SMAD2: variants seen among roughly 807,000 people sequenced by gnomAD.
The protein encoded by SMAD2 is MAD homolog 2.
A neutral mutation model predicts 64.4 loss-of-function variants in SMAD2; 8 were observed. The ratio of observed to expected loss-of-function variants is 0.12; its 90% CI spans 0.07 to 0.22. The LOEUF (loss-of-function observed/expected upper bound fraction) is 0.22, where lower values mean the gene tolerates loss of function less well. Among genes scored for constraint, SMAD2 ranks in the 10% least tolerant of loss-of-function variants. The pLI is 1.00. For synonymous variants in SMAD2, 203 were observed against 195.8 expected (o/e 1.04, Z -0.31); for missense variants, 289 against 561.2 (o/e 0.51, Z 4.90).
In SMAD2 at chr18:47,850,828, A is replaced by G. The variant is rs9963174; in HGVS notation, c.784+446T>C. On this transcript the variant is annotated intron_variant, in intron 7 of 10. Transcript: ENST00000262160. ...TTATGTATAATATATTATATATTAT[A>G]TATATTATGTATATTATATATTATA... Among the ~76,000 whole-genome samples the G allele has an allele frequency of 1.3e-4, 3 of 22,878 alleles. 1 individual carries two copies. The highest frequency in any genetic ancestry group is 1.5e-3 in the Admixed American group (2 of 1,294). The allele number at this position is 22,878 out of a possible 152,430, so 15.0% of individuals were successfully genotyped here.
intron 4 of SMAD2, 92 bp from the exon 5 acceptor site, chr18:47,868,549 A>C: frequency 9.7e-7 from 1 of 1,027,034 alleles, no homozygotes; most frequent in Non-Finnish European, 1.5e-6. Context: ...GAGAAGTTGT[A>C]GCTTAATTTT....
chr18:47,868,996 C>A (rs1024945332), intron 4 of SMAD2, among the ~76,000 whole-genome samples: 1 of 152,132 alleles, frequency 6.6e-6, no homozygotes, highest in Admixed American at 6.6e-5. Flanking sequence ...AGCAGACTGC[C>A]AATCTACAGG....
intron 1 of SMAD2, among the ~76,000 whole-genome samples, chr18:47,927,449 T>C (rs898766899): frequency 6.6e-6 from 1 of 152,232 alleles, no homozygotes; most frequent in Non-Finnish European, 1.5e-5. Context: ...CTCTAAACAC[T>C]GGAGAATAGG....
intron 2 of SMAD2, among the ~76,000 whole-genome samples, chr18:47,872,757 T>C (rs1342084732): frequency 6.6e-6 from 1 of 152,128 alleles, no homozygotes; most frequent in African/African-American, 2.4e-5. Flanking sequence ...GCCTGATGAC[T>C]GAGGTGGAAC....
In SMAD2 at chr18:47,819,548, C is replaced by T. The variant is rs1432696876; in HGVS notation, c.*22279G>A. On this transcript the variant is annotated 3_prime_UTR_variant, in exon 11 of 11. Transcript: ENST00000262160. ...TGGGGGCCAGGTGCAGTGGCTCACG[C>T]CTGTAATCCTAGCACTTTGGGAGGC... The T allele has an allele frequency of 2.6e-5, 4 of 152,132 alleles. No homozygotes were observed. Among genetic ancestry groups the T allele is most frequent in the East Asian group, 1.9e-4 (1 of 5,204 alleles). 9.4% of individuals were successfully genotyped at this position (152,132 alleles called of 1,614,324 possible). A position where few individuals can be genotyped will look rare whatever the true frequency, so the allele number is the denominator to read the frequency against.
At position 47,817,121 on chromosome 18, in the gene SMAD2, CCTCT is replaced by C. The variant is rs773164965; in HGVS notation, c.*24702_*24705del. Reference sequence around the variant, plus strand: ...CCAAATAGAGTTTTCTTTTAGAGAGCCTCTCTCTGTGTTGACATAAATGGTGTTC... The same window carrying C: ...CCAAATAGAGTTTTCTTTTAGAGAGCCTCTGTGTTGACATAAATGGTGTTC... On this transcript the variant is annotated 3_prime_UTR_variant, in exon 11 of 11. Coordinates refer to ENST00000262160, the MANE Select transcript of SMAD2 (RefSeq NM_005901.6). 8 of 152,260 alleles carry C rather than the reference CCTCT, an allele frequency of 5.3e-5. No homozygotes were observed. The highest frequency in any genetic ancestry group is 3.9e-4 in the East Asian group (2 of 5,164). The allele number at this position is 152,260 out of a possible 1,614,324, so 9.4% of individuals were successfully genotyped here. A position where few individuals can be genotyped will look rare whatever the true frequency, so the allele number is the denominator to read the frequency against.
At chr18:47,859,977 A>T (rs1236679089) in intron 6 of SMAD2, among the ~76,000 whole-genome samples, 1 of 152,176 alleles carries the variant, frequency 6.6e-6, no homozygotes, top group Non-Finnish European at 1.5e-5. Context: ...TCTAAATAAA[A>T]CACAAAAATT....
chr18:47,855,378 G>T (rs551901365), intron 6 of SMAD2, among the ~76,000 whole-genome samples: 166 of 152,264 alleles, frequency 1.1e-3, no homozygotes, highest in African/African-American at 3.9e-3. Context: ...ATACCAAGGA[G>T]AAGCAAGACT....
intron 1 of SMAD2, among the ~76,000 whole-genome samples, chr18:47,899,086 A>G (rs2144484188): frequency 6.6e-6 from 1 of 152,316 alleles, no homozygotes. Context: ...AGAGAATTGC[A>G]ATACACAAAA....
intron 2 of SMAD2, among the ~76,000 whole-genome samples, chr18:47,879,872 AG>A (rs944898483): frequency 6.6e-6 from 1 of 152,164 alleles, no homozygotes; most frequent in African/African-American, 2.4e-5. Context: ...TTTAAATTAT[AG>A]GTAGTCTGAT....
rs1912396710 is a variant in SMAD2 at position 47,817,060 on chromosome 18, CCA to C, written c.*24765_*24766del. 2.0e-5 allele frequency: 3 copies of C among 151,978 alleles called. No homozygotes were observed. Among genetic ancestry groups the C allele is most frequent in the African/African-American group, 7.3e-5 (3 of 41,370 alleles). 9.4% of individuals were successfully genotyped at this position (151,978 alleles called of 1,614,324 possible). ...ACAGGCATAAGCCACCGCGCACGGC[CCA>C]TGACATGCGTATTTCTACAGCAATG... On this transcript the variant is annotated 3_prime_UTR_variant, in exon 11 of 11. Transcript: ENST00000262160.
chr18:47,832,930 T>G lies in SMAD2; in HGVS notation c.*8897A>C, dbSNP rs1304018403. 1 of 161,414 alleles carries G rather than the reference T, an allele frequency of 6.2e-6. No individual in the cohort carries two copies. The highest frequency in any genetic ancestry group is 2.4e-5 in the African/African-American group (1 of 41,694). 10.0% of individuals were successfully genotyped at this position (161,414 alleles called of 1,614,324 possible). ...GATAATCTTTTATGTAACACCAAAT[T>G]AAAAAAACAAAAACATGTACTCTTA... On this transcript the variant is annotated 3_prime_UTR_variant, in exon 11 of 11. Coordinates refer to ENST00000262160, the MANE Select transcript of SMAD2 (RefSeq NM_005901.6).
rs146547409 is a variant in SMAD2 at position 47,905,486 on chromosome 18, A to G, written c.-53-8677T>C. Among the ~76,000 whole-genome samples the G allele has an allele frequency of 7.3e-3, 1,113 of 152,204 alleles. 8 individuals carry two copies. The highest frequency in any genetic ancestry group is 0.025 in the African/African-American group (1,048 of 41,542). Reference sequence around the variant, plus strand: ...AAAAAAAAACTAGAATAACCAAACCATTCTTGAAAAAGAAAACTGGAGGCC... The same window carrying G: ...AAAAAAAAACTAGAATAACCAAACCGTTCTTGAAAAAGAAAACTGGAGGCC... On this transcript the variant is annotated intron_variant, in intron 1 of 10. Transcript: ENST00000262160.
chr18:47,863,167 C>A (rs575519898), intron 6 of SMAD2, among the ~76,000 whole-genome samples: 5 of 152,074 alleles, frequency 3.3e-5, no homozygotes, highest in Admixed American at 6.6e-5. Context: ...AGAGAGGTGG[C>A]CAACTTTGTT....
At chr18:47,845,555 C>CA in intron 9 of SMAD2, 71 bp from the exon 10 acceptor site, 1 of 1,579,202 alleles carries the variant, frequency 6.3e-7, no homozygotes, top group Non-Finnish European at 8.7e-7. Context: ...AAAAGGGTTA[C>CA]AAGTTTTAGA....
chr18:47,877,160 TA>T (rs1330350020), intron 2 of SMAD2, among the ~76,000 whole-genome samples: 3 of 149,216 alleles, frequency 2.0e-5, no homozygotes, highest in East Asian at 2.1e-4. Context: ...CTAAACAGTG[TA>T]TTTTTTTTTT....
At chr18:47,858,713 C>T (rs1446912081) in intron 6 of SMAD2, among the ~76,000 whole-genome samples, 1 of 152,048 alleles carries the variant, frequency 6.6e-6, no homozygotes, top group Non-Finnish European at 1.5e-5. Flanking sequence ...AAATAAACTT[C>T]TAGGTATAAC....
intron 4 of SMAD2, 95 bp from the exon 5 acceptor site, chr18:47,868,552 T>A (rs1238808386): frequency 1.0e-6 from 1 of 983,522 alleles, no homozygotes; most frequent in Non-Finnish European, 1.6e-6. Context: ...AAGTTGTAGC[T>A]TAATTTTTAA....
chr18:47,836,281 TCAA>T lies in SMAD2; in HGVS notation c.*5543_*5545del, dbSNP rs910410863. 2.1e-4 allele frequency: 46 copies of T among 223,866 alleles called. No individual in the cohort carries two copies. The highest frequency in any genetic ancestry group is 2.7e-3 in the Middle Eastern group (2 of 734). The allele number at this position is 223,866 out of a possible 1,614,324, so 13.9% of individuals were successfully genotyped here. A position where few individuals can be genotyped will look rare whatever the true frequency, so the allele number is the denominator to read the frequency against. On this transcript the variant is annotated 3_prime_UTR_variant, in exon 11 of 11. Transcript: ENST00000262160. Reference sequence around the variant, plus strand: ...TTAAAGAGGGAGCAATCTAGTATTATCAACAACAACAAAGTTAACCCTAAGTTA... The same window carrying T: ...TTAAAGAGGGAGCAATCTAGTATTATCAACAACAAAGTTAACCCTAAGTTA...
Sources: allele counts gnomAD v4.1 joint callset (sites outside exome capture counted in the v4.1 genomes callset), GRCh38; gene constraint gnomAD v4.1.1; transcripts MANE v1.5; gene names NCBI Gene and HGNC (gene_info 2026-07-23, HGNC 2026-07-21).